LINC00305: variants seen among roughly 807,000 people sequenced by gnomAD.
LINC00305 encodes long intergenic non-protein coding RNA 305.
intron 1 of LINC00305, among the ~76,000 whole-genome samples, chr18:64,112,541 C>G (rs9965220): frequency 0.17 from 25,909 of 152,070 alleles, 2,326 homozygotes; most frequent in Admixed American, 0.22. Flanking sequence ...GAACAGAGGA[C>G]AATAATGTAA....
chr18:64,117,930 G>A (rs528754314), intron 1 of LINC00305, among the ~76,000 whole-genome samples: 5 of 152,252 alleles, frequency 3.3e-5, no homozygotes, highest in African/African-American at 7.2e-5. Context: ...TTGACCTTCC[G>A]TAAACAAGCA....
intron 3 of LINC00305, among the ~76,000 whole-genome samples, chr18:64,083,618 G>A (rs2051192855): frequency 6.6e-6 from 1 of 152,166 alleles, no homozygotes; most frequent in South Asian, 2.1e-4. Flanking sequence ...GTGCTGACGT[G>A]CACATGGGAA....
intron 1 of LINC00305, among the ~76,000 whole-genome samples, chr18:64,141,160 A>T (rs1456136286): frequency 6.6e-6 from 1 of 152,050 alleles, no homozygotes; most frequent in African/African-American, 2.4e-5. Context: ...AAGCGACTCA[A>T]CTGAGCCCAC....
At chr18:64,128,555 A>G (rs1311638655) in intron 1 of LINC00305, among the ~76,000 whole-genome samples, 2 of 152,096 alleles carry the variant, frequency 1.3e-5, no homozygotes, top group Non-Finnish European at 2.9e-5. Context: ...GCAGCCAGCC[A>G]TCACCTTAAA....
intron 3 of LINC00305, chr18:64,097,732 T>G: frequency 2.7e-6 from 1 of 372,956 alleles, no homozygotes; most frequent in Non-Finnish European, 5.3e-6. Context: ...GAAGTAATAT[T>G]ATTTCAAGTC....
chr18:64,082,142 C>T (rs1003789007), intron 3 of LINC00305, among the ~76,000 whole-genome samples: 1 of 152,128 alleles, frequency 6.6e-6, no homozygotes, highest in Non-Finnish European at 1.5e-5. Flanking sequence ...GGTCTCAAGA[C>T]AAAATTTCTC....
intron 1 of LINC00305, among the ~76,000 whole-genome samples, chr18:64,117,211 T>C (rs1194092209): frequency 6.6e-6 from 1 of 152,184 alleles, no homozygotes; most frequent in African/African-American, 2.4e-5. Context: ...ACACTTTCCT[T>C]ATGGAACTTT....
intron 1 of LINC00305, among the ~76,000 whole-genome samples, chr18:64,130,468 CAAT>C (rs1344349883): frequency 1.3e-5 from 2 of 152,042 alleles, no homozygotes; most frequent in Non-Finnish European, 2.9e-5. Flanking sequence ...CCCAATCAAT[CAAT>C]AATATATTAC....
intron 3 of LINC00305, among the ~76,000 whole-genome samples, chr18:64,085,522 G>A (rs746211031): frequency 6.6e-6 from 1 of 151,918 alleles, no homozygotes; most frequent in East Asian, 1.9e-4. Context: ...GAGTGCAGTG[G>A]CACAATCTCG....
intron 3 of LINC00305, among the ~76,000 whole-genome samples, chr18:64,095,871 A>G (rs529430288): frequency 2.2e-4 from 33 of 152,308 alleles, no homozygotes; most frequent in African/African-American, 7.7e-4. Context: ...CACAAGCTTC[A>G]TATAAAAGAG....
chr18:64,087,827 C>T (rs2144893189), intron 3 of LINC00305, among the ~76,000 whole-genome samples: 1 of 151,932 alleles, frequency 6.6e-6, no homozygotes, highest in East Asian at 1.9e-4. Flanking sequence ...CGTGCTGGCT[C>T]ACGCCTGTAA....
At chr18:64,082,257 A>T (rs563919366) in intron 3 of LINC00305, among the ~76,000 whole-genome samples, 15 of 152,118 alleles carry the variant, frequency 9.9e-5, no homozygotes, top group African/African-American at 2.2e-4. Flanking sequence ...CACCACCTAG[A>T]CTGGTAATCT....
chr18:64,080,199 A>G (rs1417890874), exon 4 of LINC00305: 4 of 279,378 alleles, frequency 1.4e-5, no homozygotes, highest in Admixed American at 9.6e-5. Context: ...AGAAAATCCA[A>G]AGTCCCTGCC....
intron 1 of LINC00305, among the ~76,000 whole-genome samples, chr18:64,113,153 A>G (rs2051322459): frequency 6.6e-6 from 1 of 152,208 alleles, no homozygotes; most frequent in African/African-American, 2.4e-5. Flanking sequence ...ACTACTCCCT[A>G]CACTAGGCAG....
At chr18:64,119,952 T>C (rs922307184) in intron 1 of LINC00305, among the ~76,000 whole-genome samples, 1 of 152,070 alleles carries the variant, frequency 6.6e-6, no homozygotes, top group Admixed American at 6.6e-5. Flanking sequence ...TGTCCATGTG[T>C]ATGAAGTAAC....
At chr18:64,136,235 CT>C (rs1224786095) in intron 1 of LINC00305, among the ~76,000 whole-genome samples, 4 of 152,174 alleles carry the variant, frequency 2.6e-5, no homozygotes, top group African/African-American at 7.2e-5. Context: ...AGGTATCTGC[CT>C]TCCAAGTACA....
intron 1 of LINC00305, among the ~76,000 whole-genome samples, chr18:64,135,026 T>C (rs1230251630): frequency 6.6e-6 from 1 of 152,202 alleles, no homozygotes; most frequent in Non-Finnish European, 1.5e-5. Flanking sequence ...TTCTGGAAAC[T>C]GGAAGTCCGA....
At chr18:64,129,726 G>A (rs895932874) in intron 1 of LINC00305, among the ~76,000 whole-genome samples, 19 of 152,124 alleles carry the variant, frequency 1.2e-4, no homozygotes, top group African/African-American at 4.6e-4. Flanking sequence ...TTTACATTTT[G>A]CCTTATGTGA....
intron 3 of LINC00305, among the ~76,000 whole-genome samples, chr18:64,092,738 G>T (rs1465878040): frequency 6.6e-6 from 1 of 152,186 alleles, no homozygotes. Context: ...ACTCTCTGTG[G>T]CTTGTGTACA....
Sources: allele counts gnomAD v4.1 joint callset (sites outside exome capture counted in the v4.1 genomes callset), GRCh38; gene constraint gnomAD v4.1.1; transcripts MANE v1.5; gene names NCBI Gene and HGNC (gene_info 2026-07-23, HGNC 2026-07-21).